CUX2: variants seen among roughly 807,000 people sequenced by gnomAD.
The protein encoded by CUX2 is cut like homeobox 2, also known as homeobox protein cut-like 2.
A neutral mutation model predicts 144.8 loss-of-function variants in CUX2; 40 were observed. That is an observed-to-expected ratio of 0.28 (90% CI 0.21 to 0.36). The LOEUF (loss-of-function observed/expected upper bound fraction) is 0.36. CUX2 is among the 10% of genes least tolerant of loss of function. CUX2 has a pLI of 1.00. For missense variants in CUX2, 1,615 were observed against 1,994.0 expected, an observed-to-expected ratio of 0.81 and a Z score of 3.62; for synonymous variants, 827 against 875.6, an observed-to-expected ratio of 0.94 and a Z score of 0.98.
At chr12:111,106,368 G>C (rs779343146) in intron 1 of CUX2, among the ~76,000 whole-genome samples, 2 of 152,152 alleles carry the variant, frequency 1.3e-5, no homozygotes, top group African/African-American at 4.8e-5. Flanking sequence ...TGTTGCCCAG[G>C]CTGGTCTCAA....
intron 3 of CUX2, among the ~76,000 whole-genome samples, chr12:111,223,720 A>G (rs1881976404): frequency 6.6e-6 from 1 of 152,206 alleles, no homozygotes; most frequent in African/African-American, 2.4e-5. Flanking sequence ...GTGGACATCC[A>G]ACCCAGTCAA....
chr12:111,214,426 G>A, intron 2 of CUX2, 116 bp downstream of exon 2: 1 of 620,444 alleles, frequency 1.6e-6, no homozygotes, highest in Non-Finnish European at 2.7e-6. Flanking sequence ...AAGCTAATTA[G>A]CCACAAAGAA....
chr12:111,268,979 A>G (rs1243421957), intron 4 of CUX2, among the ~76,000 whole-genome samples: 5 of 152,184 alleles, frequency 3.3e-5, no homozygotes, highest in Non-Finnish European at 5.9e-5. Context: ...GTGTGCTTTC[A>G]GGCTCAAAGA....
intron 1 of CUX2, among the ~76,000 whole-genome samples, chr12:111,192,731 C>G (rs887880398): frequency 3.3e-5 from 5 of 152,168 alleles, no homozygotes; most frequent in Admixed American, 6.5e-5. Context: ...GTCCTGAGAC[C>G]TTTTCCTTGG....
rs1278247690 is a variant in CUX2 at position 111,304,668 on chromosome 12, A to C, written c.858+354A>C. ...GACCAAAGATCATTCTGATTTCCAG[A>C]TGCACCAGCAAAGACATGGGGGAGA... On this transcript the variant is annotated intron_variant, in intron 10 of 21. Transcript: ENST00000261726. This position sits in a 1 kb window ranked among gnomAD's most constrained non-coding sequence, Gnocchi z 4.7. Among the ~76,000 whole-genome samples the C allele has an allele frequency of 6.6e-6, 1 of 152,204 alleles. No homozygotes were observed. Among genetic ancestry groups the C allele is most frequent in the Non-Finnish European group, 1.5e-5 (1 of 68,030 alleles).
At chr12:111,300,177 T>G (rs954696284) in intron 9 of CUX2, among the ~76,000 whole-genome samples, 1 of 152,172 alleles carries the variant, frequency 6.6e-6, no homozygotes, top group African/African-American at 2.4e-5. Context: ...CTGGAGTGCA[T>G]TGCAGCGATC....
chr12:111,294,442 G>C (rs190011699), intron 6 of CUX2, among the ~76,000 whole-genome samples: 3 of 152,076 alleles, frequency 2.0e-5, no homozygotes, highest in Non-Finnish European at 2.9e-5. Context: ...AGCCAAGCAT[G>C]GTGGCGTGCA....
At chr12:111,118,072 C>G (rs1874407478) in intron 1 of CUX2, among the ~76,000 whole-genome samples, 1 of 152,184 alleles carries the variant, frequency 6.6e-6, no homozygotes, top group African/African-American at 2.4e-5. Flanking sequence ...CCAACTCTTT[C>G]CTGTGCAAGT....
rs574854412 is a variant in CUX2, at chr12:111,077,959, G to A, written c.63+43719G>A. Among the ~76,000 whole-genome samples the A allele has an allele frequency of 1.3e-5, 2 of 152,332 alleles. No individual in the cohort carries two copies. Among genetic ancestry groups the A allele is most frequent in the South Asian group, 4.1e-4 (2 of 4,824 alleles). On this transcript the variant is annotated intron_variant, in intron 1 of 21. Transcript: ENST00000261726. The surrounding 1 kb of genome is among the most constrained non-coding windows in gnomAD (Gnocchi z 4.1). Reference sequence around the variant, plus strand: ...TAATGTAACAGCAAGAAAGAAGAGAGGAAACAAAGGGAGTCCAGGTGGTAC... The same window carrying A: ...TAATGTAACAGCAAGAAAGAAGAGAAGAAACAAAGGGAGTCCAGGTGGTAC...
At chr12:111,330,173 C>T (rs1308093204) in intron 18 of CUX2, among the ~76,000 whole-genome samples, 1 of 152,180 alleles carries the variant, frequency 6.6e-6, no homozygotes, top group African/African-American at 2.4e-5. Flanking sequence ...CTTGAGACCT[C>T]ACGGTCACAA....
At chr12:111,165,499 G>A (rs1384263588) in intron 1 of CUX2, among the ~76,000 whole-genome samples, 2 of 152,196 alleles carry the variant, frequency 1.3e-5, no homozygotes, top group South Asian at 2.1e-4. Context: ...TTTGGGCCAC[G>A]TGCAGAGAAC....
chr12:111,176,262 G>T (rs1878853499), intron 1 of CUX2, among the ~76,000 whole-genome samples: 1 of 151,548 alleles, frequency 6.6e-6, no homozygotes, highest in Admixed American at 6.6e-5. Flanking sequence ...GCCCAGGCTG[G>T]TCTTGAACTC....
intron 1 of CUX2, among the ~76,000 whole-genome samples, chr12:111,070,746 C>T (rs528825315): frequency 9.2e-5 from 14 of 152,228 alleles, no homozygotes; most frequent in African/African-American, 3.1e-4. Flanking sequence ...AAAAATCATC[C>T]GTGCTCTACT....
chr12:111,093,574 G>A (rs1239707722), intron 1 of CUX2, among the ~76,000 whole-genome samples: 1 of 152,100 alleles, frequency 6.6e-6, no homozygotes, highest in Non-Finnish European at 1.5e-5. Flanking sequence ...GCTGGAACCG[G>A]CAGCTCCAAG....
chr12:111,316,345 C>T (rs984632786), intron 16 of CUX2, among the ~76,000 whole-genome samples: 43 of 149,598 alleles, frequency 2.9e-4, no homozygotes, highest in African/African-American at 8.6e-4. Flanking sequence ...GGGGTTTCTC[C>T]GTGTTGGTCA....
chr12:111,317,561 C>T (rs546404755), intron 16 of CUX2, among the ~76,000 whole-genome samples: 178 of 152,258 alleles, frequency 1.2e-3, no homozygotes, highest in Non-Finnish European at 2.3e-3. Context: ...TCCTCCCCAT[C>T]CCACCCCTGC....
chr12:111,076,289 G>C (rs1871534620), intron 1 of CUX2, among the ~76,000 whole-genome samples: 1 of 152,146 alleles, frequency 6.6e-6, no homozygotes, highest in Non-Finnish European at 1.5e-5. Flanking sequence ...CAAAACACCT[G>C]GCATATAATA....
intron 1 of CUX2, among the ~76,000 whole-genome samples, chr12:111,198,159 T>A (rs1206990462): frequency 1.3e-5 from 2 of 152,118 alleles, no homozygotes; most frequent in African/African-American, 4.8e-5. Context: ...AGAAACTTGG[T>A]GAGGTGAATA....
chr12:111,092,664 G>A (rs1195163234), intron 1 of CUX2, among the ~76,000 whole-genome samples: 1 of 152,122 alleles, frequency 6.6e-6, no homozygotes, highest in Non-Finnish European at 1.5e-5. Flanking sequence ...CCAGCGATTG[G>A]CTAGGAGGGT....
Sources: gnomAD v4.1 joint callset for allele counts (sites outside exome capture counted in the v4.1 genomes callset) on GRCh38, gnomAD v4.1.1 for gene constraint, Gnocchi (gnomAD v3.1) non-coding constraint, MANE v1.5 for transcripts, NCBI Gene and HGNC (gene_info 2026-07-23, HGNC 2026-07-21) for gene names.